Variants in GMDS observed in about 807,000 individuals in gnomAD.
GMDS encodes GDP-mannose 4,6 dehydratase.
Under a neutral mutation model 49.9 loss-of-function variants are expected in GMDS, and 20 were observed. The ratio of observed to expected loss-of-function variants is 0.40; its 90% CI spans 0.28 to 0.58. GMDS has a LOEUF of 0.58. Among genes scored for constraint, GMDS ranks in the 20% least tolerant of loss-of-function variants. GMDS has a pLI of 0.42. For synonymous variants in GMDS, 177 were observed against 178.6 expected, an observed-to-expected ratio of 0.99 and a Z score of 0.07; for missense variants, 362 against 481.4, an observed-to-expected ratio of 0.75 and a Z score of 2.32.
At chr6:2,201,203 A>G (rs58405376) in intron 1 of GMDS, among the ~76,000 whole-genome samples, 9,203 of 124,118 alleles carry the variant, frequency 0.074, 2,144 homozygotes, top group African/African-American at 0.34. Context: ...ATGAAGAGAG[A>G]GCACCACATG....
intron 1 of GMDS, among the ~76,000 whole-genome samples, chr6:2,175,490 T>A (rs1778234129): frequency 6.6e-6 from 1 of 152,196 alleles, no homozygotes; most frequent in Non-Finnish European, 1.5e-5. Context: ...CTGCAGATAT[T>A]CCTGAGGGAG....
intron 1 of GMDS, among the ~76,000 whole-genome samples, chr6:2,243,943 G>A (rs1781738326): frequency 7.7e-6 from 1 of 129,700 alleles, no homozygotes; most frequent in African/African-American, 2.9e-5. Context: ...CACTGCAGCA[G>A]CCTCAGACTC....
At chr6:1,812,954 G>C (rs947602346) in intron 7 of GMDS, among the ~76,000 whole-genome samples, 5 of 152,004 alleles carry the variant, frequency 3.3e-5, no homozygotes, top group African/African-American at 1.2e-4. Flanking sequence ...CAAGCATGGT[G>C]GCTCATGCCT....
chr6:1,896,185 G>T (rs1371759184), intron 7 of GMDS, among the ~76,000 whole-genome samples: 1 of 152,098 alleles, frequency 6.6e-6, no homozygotes, highest in Non-Finnish European at 1.5e-5. Context: ...ATTCATTGTT[G>T]CCCTGTGTAT....
chr6:2,118,540 G>T (rs561403272), intron 2 of GMDS, among the ~76,000 whole-genome samples: 1 of 152,016 alleles, frequency 6.6e-6, no homozygotes, highest in Non-Finnish European at 1.5e-5. Flanking sequence ...TTCCAAATAC[G>T]GAGGTAAATT....
At chr6:2,114,972 C>CAAACAAAA (rs1554166846) in intron 4 of GMDS, among the ~76,000 whole-genome samples, 1 of 151,004 alleles carries the variant, frequency 6.6e-6, no homozygotes, top group Non-Finnish European at 1.5e-5. Context: ...AACAAACAAA[C>CAAACAAAA]AAAAAAAAAC....
intron 9 of GMDS, among the ~76,000 whole-genome samples, chr6:1,709,037 G>A (rs556674488): frequency 6.6e-6 from 1 of 152,296 alleles, no homozygotes; most frequent in South Asian, 2.1e-4. Flanking sequence ...TGATTGCCGA[G>A]AACCGTGTAC....
Position 2,026,453 on chromosome 6 carries a change from G to A in GMDS, c.346-65487C>T, listed in dbSNP as rs187686814. On this transcript the variant is annotated intron_variant, in intron 4 of 10. Coordinates refer to ENST00000380815, the MANE Select transcript of GMDS (RefSeq NM_001500.4). ...GCAGAAAGATCTTTGCAATTTACACGAGACATAAAGAGAAGGGTTAACGCA... is the reference window on the plus strand; with the variant it reads ...GCAGAAAGATCTTTGCAATTTACACAAGACATAAAGAGAAGGGTTAACGCA... Among the ~76,000 whole-genome samples, 424 of 152,256 alleles carry A rather than the reference G, an allele frequency of 2.8e-3. 3 individuals are homozygous for A. Among genetic ancestry groups the A allele is most frequent in the African/African-American group, 9.9e-3 (411 of 41,540 alleles).
intron 1 of GMDS, among the ~76,000 whole-genome samples, chr6:2,143,067 C>T (rs945419092): frequency 2.6e-5 from 4 of 152,222 alleles, no homozygotes; most frequent in Non-Finnish European, 5.9e-5. Context: ...GTAGGGTCTA[C>T]AAGGACAGGA....
chr6:2,190,767 AGCAGGGGGCTGTCCACG>A (rs1169021213), intron 1 of GMDS, among the ~76,000 whole-genome samples: 1 of 152,204 alleles, frequency 6.6e-6, no homozygotes, highest in Non-Finnish European at 1.5e-5. Context: ...TATTGATGGC[AGCAGGGGGCTGTCCACG>A]GCAGGGGAGG....
At chr6:1,819,621 C>T (rs939818364) in intron 7 of GMDS, among the ~76,000 whole-genome samples, 3 of 151,546 alleles carry the variant, frequency 2.0e-5, no homozygotes, top group Non-Finnish European at 4.4e-5. Flanking sequence ...ATTAGCCAGG[C>T]GTGGGGGCAG....
At chr6:2,230,093 A>G in intron 1 of GMDS, among the ~76,000 whole-genome samples, 1 of 146,906 alleles carries the variant, frequency 6.8e-6, no homozygotes, top group Non-Finnish European at 1.5e-5. Flanking sequence ...ACTCCTCTGA[A>G]GACCCCTCTC....
intron 9 of GMDS, among the ~76,000 whole-genome samples, chr6:1,668,672 A>C (rs1300092214): frequency 6.6e-6 from 1 of 152,118 alleles, no homozygotes. Context: ...GCACTACTGC[A>C]CTCCAGACTG....
At chr6:1,845,352 C>T (rs1445823938) in intron 7 of GMDS, among the ~76,000 whole-genome samples, 2 of 152,118 alleles carry the variant, frequency 1.3e-5, no homozygotes, top group African/African-American at 4.8e-5. Context: ...GAAAAGGATA[C>T]CCAGATTCTC....
chr6:1,960,473 A>ACTGTTAGGTCT (rs1438121425), intron 5 of GMDS, among the ~76,000 whole-genome samples: 20 of 152,202 alleles, frequency 1.3e-4, no homozygotes, highest in Non-Finnish European at 2.4e-4. Context: ...GTTTAGAAAA[A>ACTGTTAGGTCT]GAATCACATT....
chr6:1,767,204 C>A (rs916079092), intron 7 of GMDS, among the ~76,000 whole-genome samples: 3 of 152,014 alleles, frequency 2.0e-5, no homozygotes, highest in South Asian at 2.1e-4. Flanking sequence ...ACCCACCACC[C>A]CCCCAAATTT....
rs543178282 is a variant in GMDS at position 2,164,202 on chromosome 6, C to T, written c.103-39471G>A. Among the ~76,000 whole-genome samples, 10 of 152,256 alleles carry T rather than the reference C, an allele frequency of 6.6e-5. No homozygotes were observed. In the East Asian group the frequency reaches 1.4e-3, roughly 21 times the overall value. ...TGAGTATATGTCAACAAATTCAGCC[C>T]GATACAACTTCACGTTTCTTCCACC... On this transcript the variant is annotated intron_variant, in intron 1 of 10. Transcript: ENST00000380815.
intron 7 of GMDS, among the ~76,000 whole-genome samples, chr6:1,910,475 T>C (rs1328348800): frequency 6.6e-6 from 1 of 152,126 alleles, no homozygotes. Context: ...TGGTAAATAC[T>C]GCTGTACGGA....
intron 4 of GMDS, among the ~76,000 whole-genome samples, chr6:2,063,115 T>TC (rs1336412094): frequency 2.6e-5 from 4 of 151,968 alleles, no homozygotes; most frequent in Non-Finnish European, 5.9e-5. Context: ...CATTGCTACC[T>TC]CCCCCATGCA....
Sources: allele counts gnomAD v4.1 joint callset (sites outside exome capture counted in the v4.1 genomes callset), GRCh38; gene constraint gnomAD v4.1.1; transcripts MANE v1.5; gene names NCBI Gene and HGNC (gene_info 2026-07-23, HGNC 2026-07-21).